The following GRID2 variants were observed in gnomAD, a reference collection of about 807,000 sequenced individuals.
GRID2 encodes the protein glutamate ionotropic receptor delta type subunit 2, also known as glutamate receptor ionotropic, delta-2.
A neutral mutation model predicts 114.8 loss-of-function variants in GRID2; 33 were observed. The observed-to-expected ratio is 0.29, with a 90% CI of 0.22 to 0.38. GRID2 has a LOEUF of 0.38. Among genes scored for constraint, GRID2 ranks in the 10% least tolerant of loss-of-function variants. The pLI is 1.00. For synonymous variants in GRID2, 505 were observed against 449.9 expected, an observed-to-expected ratio of 1.12 and a Z score of -1.55; for missense variants, 1,184 against 1,257.7, an observed-to-expected ratio of 0.94 and a Z score of 0.89.
chr4:92,452,849 T>C (rs1427399658), intron 1 of GRID2, among the ~76,000 whole-genome samples: 1 of 148,254 alleles, frequency 6.7e-6, no homozygotes, highest in Non-Finnish European at 1.5e-5. Context: ...ACCATATATA[T>C]ATATTTACCA....
At chr4:93,523,355 T>C (rs746550264) in intron 13 of GRID2, among the ~76,000 whole-genome samples, 8 of 152,142 alleles carry the variant, frequency 5.3e-5, no homozygotes, top group Non-Finnish European at 7.3e-5. Context: ...CCCAGTGTTA[T>C]TAACTGTATT....
chr4:93,446,301 C>T (rs920648520), intron 10 of GRID2, among the ~76,000 whole-genome samples: 2 of 151,932 alleles, frequency 1.3e-5, no homozygotes, highest in Non-Finnish European at 1.5e-5. Context: ...TTGCTTTTCT[C>T]CCATTGATCA....
chr4:92,650,446 T>C (rs1731869623), intron 2 of GRID2, among the ~76,000 whole-genome samples: 1 of 152,100 alleles, frequency 6.6e-6, no homozygotes, highest in African/African-American at 2.4e-5. Flanking sequence ...CTAAGAGAAG[T>C]TCTAAGATAT....
chr4:92,976,724 T>G (rs1753901840), intron 2 of GRID2, among the ~76,000 whole-genome samples: 1 of 152,132 alleles, frequency 6.6e-6, no homozygotes, highest in Non-Finnish European at 1.5e-5. Context: ...CAGAGAAAAT[T>G]GACTTGATGT....
chr4:92,421,163 T>A (rs1474819900), intron 1 of GRID2, among the ~76,000 whole-genome samples: 4 of 152,104 alleles, frequency 2.6e-5, no homozygotes, highest in African/African-American at 9.7e-5. Context: ...TTTATTAATT[T>A]TATTTATATT....
At chr4:93,105,658 C>A (rs1732151989) in intron 3 of GRID2, among the ~76,000 whole-genome samples, 1 of 152,122 alleles carries the variant, frequency 6.6e-6, no homozygotes, top group Admixed American at 6.5e-5. Flanking sequence ...CTTCTAGAAA[C>A]AACCCACCTT....
At chr4:92,359,215 G>C (rs1728489334) in intron 1 of GRID2, among the ~76,000 whole-genome samples, 1 of 151,848 alleles carries the variant, frequency 6.6e-6, no homozygotes, top group Non-Finnish European at 1.5e-5. Context: ...GTTCTCATGT[G>C]ACTTCTATTC....
At chr4:92,645,551 C>T (rs2149257029) in intron 2 of GRID2, among the ~76,000 whole-genome samples, 1 of 151,798 alleles carries the variant, frequency 6.6e-6, no homozygotes, top group South Asian at 2.1e-4. Flanking sequence ...GTCCCATGAA[C>T]TGTGATACAT....
chr4:93,128,507 A>C (rs913770885), intron 4 of GRID2, among the ~76,000 whole-genome samples: 26 of 152,210 alleles, frequency 1.7e-4, no homozygotes, highest in Non-Finnish European at 4.4e-5. Context: ...GCTGAATGTG[A>C]ATTTTCAGAA....
At chr4:93,194,077 A>T (rs1410092357) in intron 4 of GRID2, among the ~76,000 whole-genome samples, 4 of 152,194 alleles carry the variant, frequency 2.6e-5, no homozygotes, top group African/African-American at 7.2e-5. Context: ...AGTTTAGCGG[A>T]ACTCATTCCT....
chr4:93,339,088 A>G lies in GRID2; in HGVS notation c.1246-56519A>G, dbSNP rs946218101. Among the ~76,000 whole-genome samples, 53 of 152,134 alleles carry G rather than the reference A, an allele frequency of 3.5e-4. 1 individual carries two copies. The highest frequency in any genetic ancestry group is 1.6e-3 in the Admixed American group (25 of 15,278). On this transcript the variant is annotated intron_variant, in intron 8 of 15. Coordinates refer to ENST00000282020, the MANE Select transcript of GRID2 (RefSeq NM_001510.4). The stretch of plus-strand genomic sequence containing the variant: ...CCTTCTGCCAACAAACAGAGCTCCT[A>G]CCTATTCTGGAGGCATTGCTTCATG...
At chr4:93,237,654 A>G (rs1325913631) in intron 7 of GRID2, among the ~76,000 whole-genome samples, 1 of 151,872 alleles carries the variant, frequency 6.6e-6, no homozygotes, top group East Asian at 1.9e-4. Context: ...AGACTGATAA[A>G]CTAAACTGAG....
intron 8 of GRID2, among the ~76,000 whole-genome samples, chr4:93,317,211 C>G (rs1276517890): frequency 1.3e-5 from 2 of 151,974 alleles, no homozygotes; most frequent in African/African-American, 4.8e-5. Flanking sequence ...ATTGTGTGAA[C>G]TTGGCATTTT....
chr4:92,679,305 A>T lies in GRID2; in HGVS notation c.244+89019A>T, dbSNP rs1216304655. On this transcript the variant is annotated intron_variant, in intron 2 of 15. Transcript: ENST00000282020. Reference sequence around the variant, plus strand: ...GAGAACATCTTTCTAGCTTGTAAATACACATCAGACACACCCTGCTGTTTC... The same window carrying T: ...GAGAACATCTTTCTAGCTTGTAAATTCACATCAGACACACCCTGCTGTTTC... Among the ~76,000 whole-genome samples, 3 of 152,048 alleles carry T rather than the reference A, an allele frequency of 2.0e-5. No homozygotes were observed. In the East Asian group the frequency reaches 5.8e-4, roughly 29 times the overall value.
At chr4:92,533,104 C>T (rs1298635890) in intron 1 of GRID2, among the ~76,000 whole-genome samples, 3 of 151,942 alleles carry the variant, frequency 2.0e-5, no homozygotes, top group Admixed American at 6.6e-5. Flanking sequence ...TTTTTATTCT[C>T]CCTTTCTGTT....
intron 2 of GRID2, among the ~76,000 whole-genome samples, chr4:92,959,315 A>G (rs896547898): frequency 1.3e-5 from 2 of 151,914 alleles, no homozygotes; most frequent in Non-Finnish European, 2.9e-5. Context: ...CTTCGTCTCT[A>G]TACAATCAAT....
chr4:93,253,288 T>C (rs564937103), intron 8 of GRID2, among the ~76,000 whole-genome samples: 2 of 152,004 alleles, frequency 1.3e-5, no homozygotes, highest in Non-Finnish European at 2.9e-5. Flanking sequence ...ACTCAGTTCT[T>C]ACCATAACCA....
chr4:92,584,866 CTG>C (rs1386396009), intron 1 of GRID2, among the ~76,000 whole-genome samples: 3 of 151,986 alleles, frequency 2.0e-5, no homozygotes, highest in Admixed American at 2.0e-4. Flanking sequence ...TAACCTTTGG[CTG>C]TGTAATTTGG....
chr4:92,753,772 A>G (rs767126793), intron 2 of GRID2, among the ~76,000 whole-genome samples: 6 of 152,208 alleles, frequency 3.9e-5, no homozygotes, highest in Non-Finnish European at 5.9e-5. Context: ...ATTCAAGTAC[A>G]TGAAAGACTG....
Sources: gnomAD v4.1 joint callset for allele counts (sites outside exome capture counted in the v4.1 genomes callset) on GRCh38, gnomAD v4.1.1 for gene constraint, MANE v1.5 for transcripts, NCBI Gene and HGNC (gene_info 2026-07-23, HGNC 2026-07-21) for gene names.